PCDH15: variants seen among roughly 807,000 people sequenced by gnomAD.
PCDH15 encodes the protein protocadherin-15.
Under a neutral mutation model 178.5 loss-of-function variants are expected in PCDH15, and 129 were observed. That is an observed-to-expected ratio of 0.72 (90% CI 0.63 to 0.84). The LOEUF is 0.84. Ranked by LOEUF, PCDH15 falls within the 40% of genes least tolerant of loss-of-function variation. The pLI is 0.00. For synonymous variants in PCDH15, 800 were observed against 732.0 expected (o/e 1.09, Z -1.50); for missense variants, 2,230 against 2,099.9 (o/e 1.06, Z -1.21).
intron 15 of PCDH15, among the ~76,000 whole-genome samples, chr10:54,129,903 G>A (rs1360740875): frequency 2.6e-5 from 4 of 152,136 alleles, no homozygotes; most frequent in African/African-American, 9.7e-5. Flanking sequence ...TATGGGATGA[G>A]ACGGCAGAGA....
chr10:54,578,571 C>G (rs1361120370), intron 2 of PCDH15, among the ~76,000 whole-genome samples: 1 of 151,882 alleles, frequency 6.6e-6, no homozygotes, highest in Non-Finnish European at 1.5e-5. Context: ...TTAGGTCTTC[C>G]AAGTCAGTTA....
At chr10:53,815,660 C>T (rs1449644284) in intron 35 of PCDH15, among the ~76,000 whole-genome samples, 3 of 151,432 alleles carry the variant, frequency 2.0e-5, no homozygotes, top group East Asian at 1.9e-4. Context: ...CTAAATTTGC[C>T]GTAAAATTAA....
chr10:54,446,230 G>C (rs1311693765), intron 3 of PCDH15, among the ~76,000 whole-genome samples: 1 of 151,574 alleles, frequency 6.6e-6, no homozygotes. Flanking sequence ...TTTTCTTGTA[G>C]AGAAATTTTC....
chr10:54,601,470 G>A (rs951397916), intron 2 of PCDH15, among the ~76,000 whole-genome samples: 4 of 151,860 alleles, frequency 2.6e-5, no homozygotes, highest in South Asian at 4.1e-4. Flanking sequence ...TTAGAGACAC[G>A]CAAATAAAAA....
intron 2 of PCDH15, among the ~76,000 whole-genome samples, chr10:55,527,156 G>A (rs1359207029): frequency 6.6e-6 from 1 of 152,076 alleles, no homozygotes; most frequent in Non-Finnish European, 1.5e-5. Context: ...AGGTGACATT[G>A]CCTCTGGTGC....
At chr10:54,287,194 T>C (rs1362204805) in intron 8 of PCDH15, among the ~76,000 whole-genome samples, 1 of 152,222 alleles carries the variant, frequency 6.6e-6, no homozygotes, top group Non-Finnish European at 1.5e-5. Context: ...TAAAGTTTAA[T>C]GAACTATATA....
chr10:54,133,436 T>C (rs2042615566), intron 14 of PCDH15, among the ~76,000 whole-genome samples: 1 of 152,156 alleles, frequency 6.6e-6, no homozygotes, highest in Admixed American at 6.6e-5. Context: ...ACAAAACAAA[T>C]TATGGGCTGC....
At chr10:55,585,482 G>A (rs1237454885) in intron 2 of PCDH15, among the ~76,000 whole-genome samples, 1 of 152,072 alleles carries the variant, frequency 6.6e-6, no homozygotes. Context: ...TTCAAGACTA[G>A]CCTGGTCAAC....
At chr10:54,434,232 GATTA>G (rs979326600) in intron 3 of PCDH15, among the ~76,000 whole-genome samples, 43 of 144,440 alleles carry the variant, frequency 3.0e-4, no homozygotes, top group East Asian at 7.7e-4. Context: ...AGTAAGCTAA[GATTA>G]ATTACTGAAG....
At chr10:53,944,261 A>G (rs907287492) in intron 23 of PCDH15, among the ~76,000 whole-genome samples, 4 of 152,156 alleles carry the variant, frequency 2.6e-5, no homozygotes, top group African/African-American at 9.7e-5. Flanking sequence ...TAAAGCATCA[A>G]TGACTACATT....
intron 2 of PCDH15, among the ~76,000 whole-genome samples, chr10:55,539,326 TATC>T (rs1215418206): frequency 6.6e-6 from 1 of 152,072 alleles, no homozygotes; most frequent in Non-Finnish European, 1.5e-5. Flanking sequence ...TTTACATTAA[TATC>T]ATTTTACTAT....
At chr10:55,532,229 G>C (rs187891184) in intron 2 of PCDH15, among the ~76,000 whole-genome samples, 3 of 151,990 alleles carry the variant, frequency 2.0e-5, no homozygotes, top group Middle Eastern at 3.4e-3. Context: ...TTCTCATATC[G>C]GGAAACAGTC....
At chr10:55,342,460 T>C (rs1168012061) in intron 2 of PCDH15, among the ~76,000 whole-genome samples, 1 of 151,972 alleles carries the variant, frequency 6.6e-6, no homozygotes, top group East Asian at 1.9e-4. Context: ...TTTTATTATT[T>C]ATTTATTTAT....
chr10:54,796,256 AT>A, intron 1 of PCDH15, among the ~76,000 whole-genome samples: 1 of 107,182 alleles, frequency 9.3e-6, no homozygotes, highest in Non-Finnish European at 1.9e-5. Flanking sequence ...CTATCTATCT[AT>A]CTATCTATCT....
rs115154319 is a variant in PCDH15, at chr10:55,449,443, A to G, written c.-156+178182T>C. Among the ~76,000 whole-genome samples the G allele has an allele frequency of 5.5e-3, 839 of 152,224 alleles. 8 individuals are homozygous for G. Among genetic ancestry groups the G allele is most frequent in the African/African-American group, 0.019 (810 of 41,554 alleles). On this transcript the variant is annotated intron_variant, in intron 2 of 5. Coordinates refer to the PCDH15 transcript ENST00000613346. ...AATACAAAGAGTACACCTACAATGC[A>G]GTGTCTATCCATATGTATTGGAGTT...
At chr10:54,167,325 A>T (rs946904356) in intron 13 of PCDH15, among the ~76,000 whole-genome samples, 5 of 151,936 alleles carry the variant, frequency 3.3e-5, no homozygotes, top group African/African-American at 1.2e-4. Context: ...CTGTCCCTCA[A>T]CCACTTTCTC....
At chr10:54,196,203 A>C (rs2049626185) in intron 10 of PCDH15, among the ~76,000 whole-genome samples, 1 of 151,952 alleles carries the variant, frequency 6.6e-6, no homozygotes, top group Non-Finnish European at 1.5e-5. Flanking sequence ...AGTGCAGTGG[A>C]GTGAACTCGG....
At position 53,822,129 on chromosome 10, in the gene PCDH15, G is replaced by C. The variant is rs2076312170; in HGVS notation, c.4368-1899C>G. 1.2e-6 allele frequency: 2 copies of C among 1,613,722 alleles called. No individual in the cohort carries two copies. The highest frequency in any genetic ancestry group is 1.7e-6 in the Non-Finnish European group (2 of 1,179,944). On this transcript the variant is annotated intron_variant, in intron 32 of 37. Transcript: ENST00000644397. ...GTCTGTTTTACACACTGTCGTTGTT[G>C]ATAGCTGTGTCATAGAGGACTTAAT...
chr10:54,892,731 C>CTTT (rs565482831), intron 3 of PCDH15, among the ~76,000 whole-genome samples: 3 of 134,670 alleles, frequency 2.2e-5, no homozygotes, highest in Non-Finnish European at 3.2e-5. Flanking sequence ...AATAATTTTT[C>CTTT]TTTTTTTTTT....
Sources: allele counts gnomAD v4.1 joint callset (sites outside exome capture counted in the v4.1 genomes callset), GRCh38; gene constraint gnomAD v4.1.1; transcripts MANE v1.5; gene names NCBI Gene and HGNC (gene_info 2026-07-23, HGNC 2026-07-21).